The following MAX variants were observed in gnomAD, a reference collection of about 807,000 sequenced individuals.
The protein encoded by MAX is MYC associated transcriptional regulator X, also known as protein max.
Under a neutral mutation model 22.3 loss-of-function variants are expected in MAX, and 3 were observed. The ratio of observed to expected loss-of-function variants is 0.13; its 90% CI spans 0.06 to 0.35. The LOEUF is 0.35. Among genes scored for constraint, MAX ranks in the 10% least tolerant of loss-of-function variants. The pLI, the probability that MAX is intolerant of heterozygous loss-of-function variation, is 1.00. For missense variants in MAX, 119 were observed against 209.4 expected (o/e 0.57, Z 2.66); for synonymous variants, 72 against 77.7 (o/e 0.93, Z 0.39).
At position 65,101,585 on chromosome 14, in the gene MAX, A is replaced by AT; in HGVS notation, c.37-14_37-13insA. On this transcript the variant is annotated splice_polypyrimidine_tract_variant and intron_variant, in intron 1 of 4. Transcript: ENST00000358664. ...TCGGTTGCTCTTCCTGGAATAAGAG[A>AT]GAAAAAAAAAAATAGAAAATATAGA... The AT allele has an allele frequency of 6.3e-7, 1 of 1,576,760 alleles. No homozygotes were observed. Among genetic ancestry groups the AT allele is most frequent in the Non-Finnish European group, 8.7e-7 (1 of 1,150,566 alleles).
chr14:65,022,122 AAGG>A (rs2061899500), intron 3 of MAX: 10 of 454,606 alleles, frequency 2.2e-5, no homozygotes, highest in South Asian at 1.2e-4. Context: ...CTACCTAGGG[AAGG>A]AGATTTCCTC....
rs1002375356 is a variant in MAX at position 65,069,436 on chromosome 14, G to A, written c.171+24272C>T. Among the ~76,000 whole-genome samples the A allele has an allele frequency of 6.6e-6, 1 of 152,208 alleles. No homozygotes were observed. Among genetic ancestry groups the A allele is most frequent in the African/African-American group, 2.4e-5 (1 of 41,454 alleles). On this transcript the variant is annotated intron_variant, in intron 3 of 3. Coordinates refer to the MAX transcript ENST00000341653. The surrounding 1 kb of genome is among the most constrained non-coding windows in gnomAD (Gnocchi z 4.6). ...CTCCTCTGGCATTCAGAGCCCAGACGTGCATTTGTGCTAAATGCCTAACCT... is the reference window on the plus strand; with the variant it reads ...CTCCTCTGGCATTCAGAGCCCAGACATGCATTTGTGCTAAATGCCTAACCT...
chr14:65,055,669 A>C (rs1303671087), intron 3 of MAX, among the ~76,000 whole-genome samples: 4 of 151,988 alleles, frequency 2.6e-5, no homozygotes, highest in South Asian at 4.1e-4. Flanking sequence ...GGCATGCACC[A>C]CCACACCCAG....
chr14:65,080,224 G>A (rs769273078), intron 3 of MAX, among the ~76,000 whole-genome samples: 6 of 152,204 alleles, frequency 3.9e-5, no homozygotes, highest in Admixed American at 6.5e-5. Context: ...CCAAGGTGGC[G>A]TTTGGAATAG....
Position 65,093,481 on chromosome 14 carries a change from C to G in MAX, c.171+227G>C, listed in dbSNP as rs1294459527. On this transcript the variant is annotated intron_variant, in intron 3 of 4. Transcript: ENST00000358664. This position sits in a 1 kb window ranked among gnomAD's most constrained non-coding sequence, Gnocchi z 4.4. The stretch of plus-strand genomic sequence containing the variant: ...TAATACAAATTTTAAAAGATAACTC[C>G]TACCATTATCTCACAAATAGCTCCA... 1.8e-6 allele frequency: 1 copy of G among 559,518 alleles called. No individual in the cohort carries two copies. The highest frequency in any genetic ancestry group is 3.2e-6 in the Non-Finnish European group (1 of 312,130). The allele number at this position is 559,518 out of a possible 1,614,324, so 34.7% of individuals were successfully genotyped here. A position where few individuals can be genotyped will look rare whatever the true frequency, so the allele number is the denominator to read the frequency against.
At chr14:65,097,511 C>G (rs990060950) in intron 2 of MAX, among the ~76,000 whole-genome samples, 4 of 152,194 alleles carry the variant, frequency 2.6e-5, no homozygotes, top group Non-Finnish European at 5.9e-5. Flanking sequence ...CTAACCCCAC[C>G]TATAAGGGGA....
rs143519658 is a variant in MAX at position 65,040,991 on chromosome 14, G to C, written c.172-34707C>G. ...GATGTGATTGTACTCAGACATGCAG[G>C]CTTCAGGAGAGTTTGGCTATGGGAA... On this transcript the variant is annotated intron_variant, in intron 3 of 3. Transcript: ENST00000341653. The C allele has an allele frequency of 6.0e-4, 946 of 1,571,530 alleles. 10 individuals carry two copies. In the African/African-American group the frequency reaches 0.012, roughly 20 times the overall value.
chr14:65,072,662 G>T (rs1218278467), downstream of MAX, among the ~76,000 whole-genome samples: 1 of 152,174 alleles, frequency 6.6e-6, no homozygotes, highest in Non-Finnish European at 1.5e-5. Context: ...AAGCAGCCCT[G>T]GGCATGATCC....
intron 3 of MAX, among the ~76,000 whole-genome samples, chr14:65,037,070 A>C: frequency 6.6e-6 from 1 of 150,820 alleles, no homozygotes; most frequent in Non-Finnish European, 1.5e-5. Context: ...TATTTCTTTG[A>C]TAATTTCTTC....
At chr14:65,058,933 TTATTG>T (rs2062802223) in intron 3 of MAX, among the ~76,000 whole-genome samples, 1 of 152,242 alleles carries the variant, frequency 6.6e-6, no homozygotes, top group Non-Finnish European at 1.5e-5. Flanking sequence ...ATCTAAAATT[TTATTG>T]TATTGTCCTT....
intron 3 of MAX, among the ~76,000 whole-genome samples, chr14:65,046,050 C>G (rs555707014): frequency 6.6e-6 from 1 of 152,118 alleles, no homozygotes; most frequent in Non-Finnish European, 1.5e-5. Context: ...TGCAATGGAT[C>G]ACTGCAACCT....
chr14:65,073,915 G>T (rs1053461533), downstream of MAX, among the ~76,000 whole-genome samples: 1 of 152,206 alleles, frequency 6.6e-6, no homozygotes. Context: ...CCCCTTGTCT[G>T]AACTGGTTTA....
Position 65,028,741 on chromosome 14 carries a change from A to T in MAX, c.172-22457T>A, listed in dbSNP as rs1390442867. Among the ~76,000 whole-genome samples the T allele has an allele frequency of 1.3e-5, 2 of 152,254 alleles. No individual in the cohort carries two copies. Among genetic ancestry groups the T allele is most frequent in the Non-Finnish European group, 2.9e-5 (2 of 68,034 alleles). On this transcript the variant is annotated intron_variant, in intron 3 of 3. Coordinates refer to the MAX transcript ENST00000341653. This position sits in a 1 kb window ranked among gnomAD's most constrained non-coding sequence, Gnocchi z 4.4. ...AAAAATTAGATTAGGATCTGTGTAT[A>T]CCAGTGAAACCAGTAGAACGACTGA...
chr14:65,049,202 G>A (rs1344236264), intron 3 of MAX, among the ~76,000 whole-genome samples: 2 of 151,228 alleles, frequency 1.3e-5, no homozygotes, highest in Non-Finnish European at 2.9e-5. Flanking sequence ...TTGTTTTGTG[G>A]AGCAATAAGA....
chr14:65,054,782 G>A lies in MAX; in HGVS notation c.171+38926C>T, dbSNP rs781552685. The A allele has an allele frequency of 5.3e-5, 73 of 1,365,704 alleles. No homozygotes were observed. Among genetic ancestry groups the A allele is most frequent in the Non-Finnish European group, 7.2e-5 (71 of 992,178 alleles). The allele number at this position is 1,365,704 out of a possible 1,614,324, so 84.6% of individuals were successfully genotyped here. A position where few individuals can be genotyped will look rare whatever the true frequency, so the allele number is the denominator to read the frequency against. On this transcript the variant is annotated intron_variant, in intron 3 of 3. Coordinates refer to the MAX transcript ENST00000341653. The surrounding 1 kb of genome is among the most constrained non-coding windows in gnomAD (Gnocchi z 4.4). The stretch of plus-strand genomic sequence containing the variant: ...AAGCAGAACTGGCTCTGCATTTCCT[G>A]TGTGGACAGGCGGAAGCTTGTGGTC...
intron 3 of MAX, among the ~76,000 whole-genome samples, chr14:65,036,062 G>A (rs2062184061): frequency 1.3e-5 from 2 of 149,608 alleles, no homozygotes; most frequent in Non-Finnish European, 3.0e-5. Context: ...TGAACTCCTG[G>A]TTTCAAGCAA....
chr14:65,025,250 T>C (rs897297380), intron 3 of MAX, among the ~76,000 whole-genome samples: 1 of 152,156 alleles, frequency 6.6e-6, no homozygotes, highest in Non-Finnish European at 1.5e-5. Flanking sequence ...GGGTCAGTAG[T>C]GTTGCGTTCG....
chr14:65,079,482 T>C lies in MAX; in HGVS notation c.172-1446A>G, dbSNP rs915733333. Among the ~76,000 whole-genome samples the C allele has an allele frequency of 3.3e-5, 5 of 152,168 alleles. No individual in the cohort carries two copies. The highest frequency in any genetic ancestry group is 7.2e-5 in the African/African-American group (3 of 41,438). On this transcript the variant is annotated intron_variant, in intron 3 of 4. Coordinates refer to ENST00000358664, the MANE Select transcript of MAX (RefSeq NM_002382.5). The surrounding 1 kb of genome is among the most constrained non-coding windows in gnomAD (Gnocchi z 4.5). ...CTCCAGGCTACAAACATAGTCAGAG[T>C]TACTTATGGCCAGGCAGCCAGCCAA...
At chr14:65,098,173 G>A (rs911139059) in intron 2 of MAX, among the ~76,000 whole-genome samples, 6 of 152,308 alleles carry the variant, frequency 3.9e-5, no homozygotes, top group Admixed American at 6.5e-5. Flanking sequence ...GGCACATTTA[G>A]GAACTAACTC....
Sources: allele counts gnomAD v4.1 joint callset (sites outside exome capture counted in the v4.1 genomes callset), GRCh38; gene constraint gnomAD v4.1.1; non-coding constraint Gnocchi (gnomAD v3.1); transcripts MANE v1.5; gene names NCBI Gene and HGNC (gene_info 2026-07-23, HGNC 2026-07-21).